The following SPATS2L variants were observed in gnomAD, a reference collection of about 807,000 sequenced individuals.
The protein encoded by SPATS2L is SPATS2-like protein.
SPATS2L carries 30 observed loss-of-function variants against 59.6 expected under a neutral mutation model. That is an observed-to-expected ratio of 0.50 (90% CI 0.38 to 0.68). The LOEUF (loss-of-function observed/expected upper bound fraction) is 0.68, where lower values mean the gene tolerates loss of function less well. Ranked by LOEUF, SPATS2L falls within the 30% of genes least tolerant of loss-of-function variation. The pLI, the probability that SPATS2L is intolerant of heterozygous loss-of-function variation, is 0.00. For missense variants in SPATS2L, 615 were observed against 700.0 expected (o/e 0.88, Z 1.37); for synonymous variants, 252 against 263.5 (o/e 0.96, Z 0.42).
chr2:200,313,561 G>A (rs2079263372), intron 1 of SPATS2L, among the ~76,000 whole-genome samples: 1 of 151,750 alleles, frequency 6.6e-6, no homozygotes, highest in Non-Finnish European at 1.5e-5. Context: ...TTTTCTTCAG[G>A]GTCTCAATGA....
In SPATS2L at chr2:200,306,725, C is replaced by T. The variant is rs1367399657; in HGVS notation, c.-270C>T. The T allele has an allele frequency of 4.1e-6, 4 of 972,504 alleles. No homozygotes were observed. The highest frequency in any genetic ancestry group is 4.8e-6 in the Non-Finnish European group (4 of 825,084). 60.2% of individuals were successfully genotyped at this position (972,504 alleles called of 1,614,324 possible). A position where few individuals can be genotyped will look rare whatever the true frequency, so the allele number is the denominator to read the frequency against. ...TCAGTGAAGGAATCCAGTCCGGGGG[C>T]CGAGCTGGCTGCGCCCTCCGCTGCA... On this transcript the variant is annotated 5_prime_UTR_variant, in exon 1 of 13. Transcript: ENST00000409140.
Position 200,473,024 on chromosome 2 carries a change from C to T in SPATS2L, c.1253C>T (p.Ser418Phe). The change falls in exon 12 of 13, where the codon TCT becomes TTT. Residue 418 changes from serine (S) to phenylalanine (F), a missense_variant. Ser to Phe is a radical substitution (Grantham distance 155). Around this residue, in one of 3 missense-constraint regions of SPATS2L, gnomAD observed 284 missense variants for 280.1 expected, o/e 1.01. Coordinates refer to ENST00000409140, the MANE Select transcript of SPATS2L (RefSeq NM_001100423.2). ...AGTCTCCCCAGCACCGCCGACCCCT[C>T]TCACCAGACCATGCCGGCCAACAAG... The part of the protein sequence containing the change: ...VSSLPSTADP[S>F]HQTMPANKQN... 1.2e-6 allele frequency: 2 copies of T among 1,613,564 alleles called. No homozygotes were observed. Among genetic ancestry groups the T allele is most frequent in the Non-Finnish European group, 1.7e-6 (2 of 1,179,774 alleles).
rs562411083 is a variant in SPATS2L, at chr2:200,400,505, T to C, written c.39+11222T>C. Among the ~76,000 whole-genome samples the C allele has an allele frequency of 3.1e-4, 47 of 152,358 alleles. 1 individual carries two copies. In the South Asian group the frequency reaches 9.3e-3, roughly 30 times the overall value. Reference sequence around the variant, plus strand: ...TGCTAACAATGATTTGAGAGTTATATGTATATATTTAAACTTCCCAGTGTC... The same window carrying C: ...TGCTAACAATGATTTGAGAGTTATACGTATATATTTAAACTTCCCAGTGTC... On this transcript the variant is annotated intron_variant, in intron 3 of 12. Transcript: ENST00000409140.
At chr2:200,458,873 A>G (rs987601020) in intron 8 of SPATS2L, among the ~76,000 whole-genome samples, 1 of 152,210 alleles carries the variant, frequency 6.6e-6, no homozygotes, top group African/African-American at 2.4e-5. Flanking sequence ...TTTTAAAGAT[A>G]TATATTTAAA....
At chr2:200,470,615 G>C (rs994740624) in intron 11 of SPATS2L, among the ~76,000 whole-genome samples, 2 of 152,178 alleles carry the variant, frequency 1.3e-5, no homozygotes, top group African/African-American at 4.8e-5. Context: ...AGGGGAGGTG[G>C]GAATGAGCAC....
intron 8 of SPATS2L, among the ~76,000 whole-genome samples, chr2:200,450,689 A>C (rs1211434787): frequency 6.6e-6 from 1 of 152,172 alleles, no homozygotes; most frequent in Non-Finnish European, 1.5e-5. Context: ...CCACTCAGTG[A>C]GTCTAGTGAG....
chr2:200,389,438 C>T, intron 3 of SPATS2L, 155 bp downstream of exon 3: 1 of 552,692 alleles, frequency 1.8e-6, no homozygotes, highest in Non-Finnish European at 3.2e-6. Flanking sequence ...CAGAAAGAAT[C>T]ATAAGTAACA....
chr2:200,365,691 C>T (rs1048203416), intron 2 of SPATS2L, among the ~76,000 whole-genome samples: 1 of 152,068 alleles, frequency 6.6e-6, no homozygotes, highest in Non-Finnish European at 1.5e-5. Context: ...ACTTCAGGGC[C>T]CAGCTTAAAC....
intron 6 of SPATS2L, among the ~76,000 whole-genome samples, chr2:200,428,384 A>ATGACACTCTCCTGATTGTGTT (rs2083710148): frequency 1.3e-5 from 2 of 152,148 alleles, no homozygotes; most frequent in African/African-American, 4.8e-5. Flanking sequence ...TTTCTATGAC[A>ATGACACTCTCCTGATTGTGTT]TGACACTCTC....
chr2:200,475,908 G>A (rs17447877), intron 12 of SPATS2L, among the ~76,000 whole-genome samples: 4,743 of 152,216 alleles, frequency 0.031, 104 homozygotes, highest in South Asian at 0.052. Flanking sequence ...TATATAAAGC[G>A]GGAATAGCTC....
At chr2:200,310,423 C>T (rs2079155762) in intron 1 of SPATS2L, among the ~76,000 whole-genome samples, 1 of 152,192 alleles carries the variant, frequency 6.6e-6, no homozygotes, top group South Asian at 2.1e-4. Flanking sequence ...TCTTCACTCT[C>T]CCTGATCGGA....
chr2:200,452,742 G>A (rs1241670542), intron 8 of SPATS2L, among the ~76,000 whole-genome samples: 1 of 152,160 alleles, frequency 6.6e-6, no homozygotes, highest in East Asian at 1.9e-4. Context: ...TCCCGGATGA[G>A]CGTGATTAGT....
chr2:200,334,291 G>T (rs1161102475), intron 2 of SPATS2L, among the ~76,000 whole-genome samples: 1 of 152,148 alleles, frequency 6.6e-6, no homozygotes, highest in Non-Finnish European at 1.5e-5. Flanking sequence ...GAGCATTTTG[G>T]CTACATAAAT....
chr2:200,362,337 A>G (rs1369841), intron 2 of SPATS2L, among the ~76,000 whole-genome samples: 52,711 of 152,108 alleles, frequency 0.35, 9,948 homozygotes, highest in East Asian at 0.55. Context: ...GATAAAGACA[A>G]CACTGGCTTA....
intron 2 of SPATS2L, among the ~76,000 whole-genome samples, chr2:200,388,431 G>T (rs1021732640): frequency 6.6e-6 from 1 of 152,112 alleles, no homozygotes; most frequent in Non-Finnish European, 1.5e-5. Flanking sequence ...AATTAGCTGA[G>T]TGTGGTGGTG....
chr2:200,378,293 C>T (rs939212229), intron 2 of SPATS2L: 7 of 1,002,408 alleles, frequency 7.0e-6, no homozygotes, highest in Non-Finnish European at 8.4e-6. Flanking sequence ...GGGAACAGAG[C>T]TTATGTGCCT....
rs559482247 is a variant in SPATS2L at position 200,328,245 on chromosome 2, T to C, written c.-72-1186T>C. 1.7e-4 allele frequency among the ~76,000 whole-genome samples: 26 copies of C among 152,236 alleles called. 1 individual carries two copies. Among genetic ancestry groups the C allele is most frequent in the African/African-American group, 4.8e-4 (20 of 41,530 alleles). On this transcript the variant is annotated intron_variant, in intron 1 of 12. Coordinates refer to ENST00000409140, the MANE Select transcript of SPATS2L (RefSeq NM_001100423.2). ...TTGTCTTCTGGTTGCCAAGATTTCATAGGATGAGAATTCACCATGCTTATG... is the reference window on the plus strand; with the variant it reads ...TTGTCTTCTGGTTGCCAAGATTTCACAGGATGAGAATTCACCATGCTTATG...
At chr2:200,371,613 G>A (rs970326853) in intron 2 of SPATS2L, among the ~76,000 whole-genome samples, 6 of 152,044 alleles carry the variant, frequency 3.9e-5, no homozygotes, top group Non-Finnish European at 8.8e-5. Context: ...TGTCAAATGA[G>A]GAATAAGTGC....
chr2:200,475,074 C>T (rs1025022290), intron 12 of SPATS2L, among the ~76,000 whole-genome samples: 3 of 152,182 alleles, frequency 2.0e-5, no homozygotes, highest in Non-Finnish European at 2.9e-5. Context: ...AACAACACTG[C>T]CAGTTTTCAC....
Sources: gnomAD v4.1 joint callset for allele counts (sites outside exome capture counted in the v4.1 genomes callset) on GRCh38, gnomAD v4.1.1 for gene constraint, gnomAD v4.1.1 regional missense constraint, MANE v1.5 for transcripts, NCBI Gene and HGNC (gene_info 2026-07-23, HGNC 2026-07-21) for gene names.